The following SLC66A2 variants were observed in gnomAD, a reference collection of about 807,000 sequenced individuals.
SLC66A2 encodes the protein solute carrier family 66 member 2, also known as PQ loop repeat containing 1.
A neutral mutation model predicts 25.5 loss-of-function variants in SLC66A2; 23 were observed. The ratio of observed to expected loss-of-function variants is 0.90; its 90% confidence interval spans 0.65 to 1.28. The LOEUF is 1.28. Ranked by LOEUF, SLC66A2 falls within the 50% of genes most tolerant of loss-of-function variation. The probability of loss-of-function intolerance (pLI) is 0.00; values close to 1 mark genes in which losing one functional copy is unlikely to be tolerated. For synonymous variants in SLC66A2, 193 were observed against 166.5 expected, an observed-to-expected ratio of 1.16 and a Z score of -1.23; for missense variants, 396 against 373.1, an observed-to-expected ratio of 1.06 and a Z score of -0.51.
chr18:79,924,061 C>T (rs909593855), intron 4 of SLC66A2, among the ~76,000 whole-genome samples: 2 of 150,144 alleles, frequency 1.3e-5, no homozygotes, highest in African/African-American at 4.9e-5. Flanking sequence ...AAGGCACTGG[C>T]GAGCTTAACC....
At chr18:79,944,957 G>A (rs1357831899) in intron 2 of SLC66A2, among the ~76,000 whole-genome samples, 10 of 130,602 alleles carry the variant, frequency 7.7e-5, no homozygotes, top group Admixed American at 3.6e-4. Flanking sequence ...CAGAGCAGAA[G>A]CAGGGGGAAC....
At chr18:79,944,992 T>C (rs1282058968) in intron 2 of SLC66A2, 3 of 140,500 alleles carry the variant, frequency 2.1e-5, no homozygotes, top group Non-Finnish European at 4.4e-5. Context: ...AGCACCCCCT[T>C]ATCAACAGAA....
rs754376075 is a variant in SLC66A2, at chr18:79,927,037, G to A, written c.391+6932C>T. ...ACTCTCCAGGAAAAAACAAAAAAAC[G>A]AAAAAACTTCTCACTTCCTTCAAAT... On this transcript the variant is annotated intron_variant, in intron 4 of 5. Transcript: ENST00000397778. This position sits in a 1 kb window ranked among gnomAD's most constrained non-coding sequence, Gnocchi z 6.2. 8.5e-5 allele frequency among the ~76,000 whole-genome samples: 13 copies of A among 152,130 alleles called. No individual in the cohort carries two copies. The South Asian group carries it at 1.5e-3, about 17-fold the overall frequency.
chr18:79,907,334 G>GTTTTT (rs57635823), intron 5 of SLC66A2, among the ~76,000 whole-genome samples: 2 of 116,898 alleles, frequency 1.7e-5, no homozygotes, highest in Non-Finnish European at 3.3e-5. Flanking sequence ...TCTTTGTATA[G>GTTTTT]TTTTTTTTTT....
chr18:79,904,482 G>A lies in SLC66A2; in HGVS notation c.609-299C>T, dbSNP rs1428787962. Among the ~76,000 whole-genome samples the A allele has an allele frequency of 6.6e-6, 1 of 152,138 alleles. No individual in the cohort carries two copies. Among genetic ancestry groups the A allele is most frequent in the African/African-American group, 2.4e-5 (1 of 41,438 alleles). ...ACCCTTGACTTCTCTGTGGCCGCAA[G>A]AGCTGCCGCCTGGCTGGGGCTCTGC... On this transcript the variant is annotated intron_variant, in intron 5 of 5. Transcript: ENST00000397778. This position sits in a 1 kb window ranked among gnomAD's most constrained non-coding sequence, Gnocchi z 6.3.
At chr18:79,923,379 A>T (rs2144811331) in intron 4 of SLC66A2, among the ~76,000 whole-genome samples, 1 of 152,136 alleles carries the variant, frequency 6.6e-6, no homozygotes, top group South Asian at 2.1e-4. Context: ...GTGGATGGGC[A>T]GGCTGTGCAC....
At chr18:79,916,914 G>A (rs994228848) in intron 5 of SLC66A2, among the ~76,000 whole-genome samples, 5 of 152,286 alleles carry the variant, frequency 3.3e-5, no homozygotes, top group Non-Finnish European at 7.3e-5. Context: ...GATTTGCGAT[G>A]GGTGTCTAAG....
rs544569754 is a variant in SLC66A2 at position 79,903,875 on chromosome 18, T to C, written c.*101A>G. On this transcript the variant is annotated 3_prime_UTR_variant, in exon 6 of 6. Coordinates refer to ENST00000397778, the MANE Select transcript of SLC66A2 (RefSeq NM_025078.5). ...GACCCCAATGCCCATGCCCCATCTC[T>C]GCCACACCTGCAGGGGCCACAGCAC... The C allele has an allele frequency of 8.1e-5, 88 of 1,088,272 alleles. 1 individual carries two copies. In the African/African-American group the frequency reaches 1.2e-3, roughly 14 times the overall value. 67.4% of individuals were successfully genotyped at this position (1,088,272 alleles called of 1,614,324 possible).
intron 5 of SLC66A2, among the ~76,000 whole-genome samples, chr18:79,910,231 C>T (rs1217099454): frequency 7.0e-6 from 1 of 142,920 alleles, no homozygotes; most frequent in African/African-American, 2.7e-5. Flanking sequence ...TCCCCACATC[C>T]TCACCATAGT....
chr18:79,922,662 T>C (rs56390815), intron 4 of SLC66A2, among the ~76,000 whole-genome samples: 37,189 of 151,670 alleles, frequency 0.25, 4,899 homozygotes, highest in South Asian at 0.43. Flanking sequence ...CCAGGGGACA[T>C]AGCGGCAGGG....
chr18:79,939,704 G>A (rs1047203747), intron 3 of SLC66A2, among the ~76,000 whole-genome samples: 1 of 152,018 alleles, frequency 6.6e-6, no homozygotes, highest in African/African-American at 2.4e-5. Flanking sequence ...CAGTCGGAAT[G>A]GCTATTAATA....
chr18:79,904,421 G>A lies in SLC66A2; in HGVS notation c.609-238C>T, dbSNP rs1479235345. Among the ~76,000 whole-genome samples the A allele has an allele frequency of 5.3e-5, 8 of 151,982 alleles. No individual in the cohort carries two copies. Among genetic ancestry groups the A allele is most frequent in the Admixed American group, 5.2e-4 (8 of 15,272 alleles). On this transcript the variant is annotated intron_variant, in intron 5 of 5. Transcript: ENST00000397778. The surrounding 1 kb of genome is among the most constrained non-coding windows in gnomAD (Gnocchi z 6.3). ...TCAGGGACACCCCAGGGGGCCAAAGGACACACCCTGACCCCACCTGTCCCA... is the reference window on the plus strand; with the variant it reads ...TCAGGGACACCCCAGGGGGCCAAAGAACACACCCTGACCCCACCTGTCCCA...
In SLC66A2 at chr18:79,927,614, G is replaced by A. The variant is rs556108158; in HGVS notation, c.391+6355C>T. Among the ~76,000 whole-genome samples, 19 of 152,240 alleles carry A rather than the reference G, an allele frequency of 1.2e-4. No individual in the cohort carries two copies. In the South Asian group the frequency reaches 3.5e-3, roughly 28 times the overall value. The stretch of plus-strand genomic sequence containing the variant: ...GACGACACAGCTGGGGCCAGAGGAC[G>A]ACGCAGAGAGACCCACATCAGAGAC... On this transcript the variant is annotated intron_variant, in intron 4 of 5. Coordinates refer to ENST00000397778, the MANE Select transcript of SLC66A2 (RefSeq NM_025078.5). The surrounding 1 kb of genome is among the most constrained non-coding windows in gnomAD (Gnocchi z 6.2).
intron 4 of SLC66A2, among the ~76,000 whole-genome samples, chr18:79,925,373 T>C (rs113989038): frequency 0.015 from 2,309 of 152,318 alleles, 46 homozygotes; most frequent in African/African-American, 0.049. Context: ...ACAGAACAGC[T>C]GACAGCCGGC....
intron 4 of SLC66A2, among the ~76,000 whole-genome samples, chr18:79,926,149 C>T (rs1428968528): frequency 1.3e-5 from 2 of 152,210 alleles, no homozygotes; most frequent in Non-Finnish European, 2.9e-5. Flanking sequence ...AATAATCCAC[C>T]CCTTGTTTAG....
Position 79,918,418 on chromosome 18 carries a change from C to T in SLC66A2, c.608+766G>A, listed in dbSNP as rs1984510382. Among the ~76,000 whole-genome samples, 1 of 82,472 alleles carries T rather than the reference C, an allele frequency of 1.2e-5. No homozygotes were observed. Among genetic ancestry groups the T allele is most frequent in the Non-Finnish European group, 3.4e-5 (1 of 29,398 alleles). 54.1% of individuals were successfully genotyped at this position (82,472 alleles called of 152,430 possible). A position where few individuals can be genotyped will look rare whatever the true frequency, so the allele number is the denominator to read the frequency against. ...GGGCGGATCCCCAGTGAGGAGCGGGCCCGGGGGGGGGTCCCCAGTGAGGAG... is the reference window on the plus strand; with the variant it reads ...GGGCGGATCCCCAGTGAGGAGCGGGTCCGGGGGGGGGTCCCCAGTGAGGAG... On this transcript the variant is annotated intron_variant, in intron 5 of 5. Transcript: ENST00000397778. The surrounding 1 kb of genome is among the most constrained non-coding windows in gnomAD (Gnocchi z 4.0).
chr18:79,923,201 A>AG (rs1450550664), intron 4 of SLC66A2, among the ~76,000 whole-genome samples: 1 of 94,008 alleles, frequency 1.1e-5, no homozygotes, highest in African/African-American at 4.0e-5. Flanking sequence ...GGCTATGGAC[A>AG]GGGGGGCTGT....
chr18:79,950,318 T>C (rs1054812384), intron 2 of SLC66A2, among the ~76,000 whole-genome samples: 1 of 152,126 alleles, frequency 6.6e-6, no homozygotes, highest in Non-Finnish European at 1.5e-5. Flanking sequence ...TGTCATGTCA[T>C]CATGCACTTC....
chr18:79,918,234 C>G lies in SLC66A2; in HGVS notation c.608+950G>C, dbSNP rs1465260443. On this transcript the variant is annotated intron_variant, in intron 5 of 5. Coordinates refer to ENST00000397778, the MANE Select transcript of SLC66A2 (RefSeq NM_025078.5). The surrounding 1 kb of genome is among the most constrained non-coding windows in gnomAD (Gnocchi z 4.0). ...GCCCCTGGGCACCCGTTCTCCAACA[C>G]AAAAACGCGTCAGCCCCTCTCTTCC... 6.6e-6 allele frequency among the ~76,000 whole-genome samples: 1 copy of G among 152,224 alleles called. No homozygotes were observed. The highest frequency in any genetic ancestry group is 1.5e-5 in the Non-Finnish European group (1 of 68,038).
Sources: allele counts gnomAD v4.1 joint callset (sites outside exome capture counted in the v4.1 genomes callset), GRCh38; gene constraint gnomAD v4.1.1; non-coding constraint Gnocchi (gnomAD v3.1); transcripts MANE v1.5; gene names NCBI Gene and HGNC (gene_info 2026-07-23, HGNC 2026-07-21).